Variants in TMEFF2 observed in about 807,000 individuals in gnomAD.
The protein encoded by TMEFF2 is transmembrane protein with EGF like and two follistatin like domains 2.
In TMEFF2, 28 loss-of-function variants were observed where a neutral mutation model predicts 53.8. The ratio of observed to expected loss-of-function variants is 0.52; its 90% CI spans 0.39 to 0.71. TMEFF2 has a LOEUF of 0.71. Among genes scored for constraint, TMEFF2 ranks in the 30% least tolerant of loss-of-function variants. The pLI, the probability that TMEFF2 is intolerant of heterozygous loss-of-function variation, is 0.00. For synonymous variants in TMEFF2, 162 were observed against 166.3 expected, an observed-to-expected ratio of 0.97 and a Z score of 0.20; for missense variants, 353 against 455.2, an observed-to-expected ratio of 0.78 and a Z score of 2.04.
At chr2:192,170,200 T>C (rs1559155723) in intron 4 of TMEFF2, among the ~76,000 whole-genome samples, 1 of 152,038 alleles carries the variant, frequency 6.6e-6, no homozygotes, top group South Asian at 2.1e-4. Flanking sequence ...CCAGAAAAGA[T>C]GACACTGTAT....
At chr2:192,191,038 TACA>T (rs1691449292) in intron 2 of TMEFF2, among the ~76,000 whole-genome samples, 1 of 152,158 alleles carries the variant, frequency 6.6e-6, no homozygotes. Context: ...AGGCTATTAG[TACA>T]ACATCCATGC....
At chr2:192,066,281 TTTAG>T (rs989922789) in intron 4 of TMEFF2, among the ~76,000 whole-genome samples, 12 of 151,770 alleles carry the variant, frequency 7.9e-5, no homozygotes, top group African/African-American at 2.9e-4. Context: ...GTGTTCAGAT[TTTAG>T]GGAGGAAATC....
chr2:192,152,217 G>A (rs1010516614), intron 4 of TMEFF2, among the ~76,000 whole-genome samples: 1 of 151,910 alleles, frequency 6.6e-6, no homozygotes, highest in Non-Finnish European at 1.5e-5. Flanking sequence ...GGGTGACAGT[G>A]AAGGCTTGTC....
chr2:192,081,484 T>C (rs1688551082), intron 4 of TMEFF2, among the ~76,000 whole-genome samples: 2 of 152,212 alleles, frequency 1.3e-5, no homozygotes, highest in South Asian at 2.1e-4. Context: ...TAAATTCATA[T>C]ACCTGAAATT....
chr2:192,068,060 G>A (rs58077869), intron 4 of TMEFF2, among the ~76,000 whole-genome samples: 2,596 of 151,880 alleles, frequency 0.017, 75 homozygotes, highest in African/African-American at 0.059. Flanking sequence ...CTCCTAATGC[G>A]AAAAAAAGTA....
intron 5 of TMEFF2, among the ~76,000 whole-genome samples, chr2:192,033,085 C>T (rs1032538569): frequency 1.3e-5 from 2 of 152,074 alleles, no homozygotes; most frequent in East Asian, 3.8e-4. Flanking sequence ...CCTCAAGCCC[C>T]CAGTAGAATA....
chr2:191,951,814 A>G (rs910186780), intron 9 of TMEFF2, among the ~76,000 whole-genome samples: 6 of 152,154 alleles, frequency 3.9e-5, no homozygotes, highest in African/African-American at 1.2e-4. Flanking sequence ...ACAAAATACT[A>G]ATACAGTTTA....
chr2:192,117,072 C>T (rs1282535040), intron 4 of TMEFF2, among the ~76,000 whole-genome samples: 1 of 151,902 alleles, frequency 6.6e-6, no homozygotes, highest in Non-Finnish European at 1.5e-5. Context: ...ATGTTTTTGA[C>T]CAATTATTTT....
intron 4 of TMEFF2, among the ~76,000 whole-genome samples, chr2:192,104,810 T>C (rs10203542): frequency 0.052 from 7,848 of 152,178 alleles, 377 homozygotes; most frequent in African/African-American, 0.12. Flanking sequence ...ATTATTTGAA[T>C]TTAAAATTCT....
At chr2:191,964,333 C>CTTCTTT (rs1692371480) in intron 7 of TMEFF2, among the ~76,000 whole-genome samples, 1 of 71,494 alleles carries the variant, frequency 1.4e-5, no homozygotes, top group African/African-American at 5.2e-5. Flanking sequence ...CCTTTCTTTC[C>CTTCTTT]TTCTTTCTTT....
intron 9 of TMEFF2, among the ~76,000 whole-genome samples, chr2:191,951,486 A>ACAGGAGAGACCAGATGAGGAAG (rs1477188782): frequency 6.7e-6 from 1 of 148,526 alleles, no homozygotes; most frequent in African/African-American, 2.5e-5. Context: ...GATGTAGAAG[A>ACAGGAGAGACCAGATGAGGAAG]CAGGAGAGAC....
At chr2:192,100,625 A>C (rs1373727796) in intron 4 of TMEFF2, among the ~76,000 whole-genome samples, 2 of 152,206 alleles carry the variant, frequency 1.3e-5, no homozygotes, top group Admixed American at 1.3e-4. Flanking sequence ...TAGTGGCTTA[A>C]GTATAGAGAT....
At chr2:192,128,414 C>A (rs1461838865) in intron 4 of TMEFF2, among the ~76,000 whole-genome samples, 1 of 152,148 alleles carries the variant, frequency 6.6e-6, no homozygotes, top group Non-Finnish European at 1.5e-5. Context: ...TTGCCTATTA[C>A]AAACATGTCT....
At chr2:192,113,560 C>A in intron 4 of TMEFF2, among the ~76,000 whole-genome samples, 1 of 152,070 alleles carries the variant, frequency 6.6e-6, no homozygotes, top group East Asian at 1.9e-4. Flanking sequence ...GTGGAATAAA[C>A]ATATCACTTA....
intron 4 of TMEFF2, among the ~76,000 whole-genome samples, chr2:192,175,881 G>A (rs1007503520): frequency 6.6e-6 from 1 of 151,150 alleles, no homozygotes; most frequent in African/African-American, 2.4e-5. Flanking sequence ...AAAGATCTAA[G>A]CAATACATAA....
intron 7 of TMEFF2, among the ~76,000 whole-genome samples, chr2:191,973,780 G>A (rs1350974933): frequency 6.6e-6 from 1 of 152,084 alleles, no homozygotes; most frequent in Non-Finnish European, 1.5e-5. Context: ...TGAATCATGG[G>A]GGCAGTTACC....
rs1223211968 is a variant in TMEFF2 at position 192,131,352 on chromosome 2, T to TG, written c.439+48315dup. Among the ~76,000 whole-genome samples, 2 of 151,926 alleles carry TG rather than the reference T, an allele frequency of 1.3e-5. 1 individual carries two copies. The highest frequency in any genetic ancestry group is 1.3e-4 in the Admixed American group (2 of 15,256). On this transcript the variant is annotated intron_variant, in intron 4 of 9. Coordinates refer to ENST00000272771, the MANE Select transcript of TMEFF2 (RefSeq NM_016192.4). ...TGTCTCTACCCCTTCTCTGCTTTTC[T>TG]GGGGAAGGGGCAAGTACCCCTCAAC...
chr2:192,067,436 T>C (rs1256700261), intron 4 of TMEFF2, among the ~76,000 whole-genome samples: 1 of 151,844 alleles, frequency 6.6e-6, no homozygotes, highest in African/African-American at 2.4e-5. Context: ...TTGTCTCTCT[T>C]GTATTTACAT....
intron 4 of TMEFF2, among the ~76,000 whole-genome samples, chr2:192,125,746 T>C (rs963640974): frequency 2.0e-5 from 3 of 152,218 alleles, no homozygotes; most frequent in Non-Finnish European, 4.4e-5. Flanking sequence ...TGGAAGCTGT[T>C]ATCCTCAGCA....
Sources: gnomAD v4.1 joint callset for allele counts (sites outside exome capture counted in the v4.1 genomes callset) on GRCh38, gnomAD v4.1.1 for gene constraint, MANE v1.5 for transcripts, NCBI Gene and HGNC (gene_info 2026-07-23, HGNC 2026-07-21) for gene names.